ZYG11B: variants seen among roughly 807,000 people sequenced by gnomAD.
The protein encoded by ZYG11B is zyg-11 family member B, cell cycle regulator.
A neutral mutation model predicts 82.4 loss-of-function variants in ZYG11B; 36 were observed. The ratio of observed to expected loss-of-function variants is 0.44; its 90% confidence interval spans 0.33 to 0.58. The LOEUF (loss-of-function observed/expected upper bound fraction) is 0.58. ZYG11B is among the 20% of genes least tolerant of loss of function. The pLI is 0.02. For missense variants in ZYG11B, 552 were observed against 895.6 expected, an observed-to-expected ratio of 0.62 and a Z score of 4.90; for synonymous variants, 303 against 312.8, an observed-to-expected ratio of 0.97 and a Z score of 0.33.
chr1:52,815,331 A>G (rs1645214337), intron 12 of ZYG11B, among the ~76,000 whole-genome samples: 1 of 152,054 alleles, frequency 6.6e-6, no homozygotes, highest in Non-Finnish European at 1.5e-5. Flanking sequence ...GTGAGACCTC[A>G]TCTCTACTAA....
rs1466235514 is a variant in ZYG11B at position 52,826,734 on chromosome 1, C to G, written c.*5105C>G. On this transcript the variant is annotated 3_prime_UTR_variant, in exon 14 of 14. Coordinates refer to ENST00000294353, the MANE Select transcript of ZYG11B (RefSeq NM_024646.3). ...AGCACAGCCTAACTTTACAGCTAGACAGAATGGCCATTAAGAATATTTCCA... is the reference window on the plus strand; with the variant it reads ...AGCACAGCCTAACTTTACAGCTAGAGAGAATGGCCATTAAGAATATTTCCA... The G allele has an allele frequency of 6.6e-6, 1 of 152,150 alleles. No individual in the cohort carries two copies. The highest frequency in any genetic ancestry group is 1.5e-5 in the Non-Finnish European group (1 of 68,028). The allele number at this position is 152,150 out of a possible 1,614,324, so 9.4% of individuals were successfully genotyped here. A position where few individuals can be genotyped will look rare whatever the true frequency, so the allele number is the denominator to read the frequency against.
intron 10 of ZYG11B, among the ~76,000 whole-genome samples, chr1:52,808,548 TAC>T (rs1321790781): frequency 6.6e-6 from 1 of 152,186 alleles, no homozygotes; most frequent in African/African-American, 2.4e-5. Context: ...AATATTTTTG[TAC>T]AGATGGGATT....
At position 52,816,637 on chromosome 1, in the gene ZYG11B, C is replaced by G. The variant is rs890068370; in HGVS notation, c.2044+8C>G. The stretch of plus-strand genomic sequence containing the variant: ...ATGTCTGCAGCAAGAATCGTATGTA[C>G]CAAAAAAAAAGAACTGTGTTTTTTT... On this transcript the variant is annotated splice_region_variant and intron_variant, in intron 13 of 13. Transcript: ENST00000294353. The G allele has an allele frequency of 3.2e-6, 5 of 1,576,510 alleles. No homozygotes were observed. The highest frequency in any genetic ancestry group is 3.8e-5 in the Admixed American group (2 of 53,078).
chr1:52,806,740 T>C (rs1263865232), intron 10 of ZYG11B, among the ~76,000 whole-genome samples: 1 of 152,230 alleles, frequency 6.6e-6, no homozygotes, highest in African/African-American at 2.4e-5. Context: ...AGCATATACC[T>C]TGCATCCTGC....
chr1:52,752,252 C>T (rs1251842929), intron 1 of ZYG11B, among the ~76,000 whole-genome samples: 1 of 152,138 alleles, frequency 6.6e-6, no homozygotes, highest in Non-Finnish European at 1.5e-5. Context: ...ATTTTACTTA[C>T]TTTAATACAA....
intron 5 of ZYG11B, 45 bp downstream of exon 5, chr1:52,785,098 TCTA>T (rs1386688073): frequency 3.8e-6 from 6 of 1,576,542 alleles, no homozygotes; most frequent in Non-Finnish European, 5.2e-6. Flanking sequence ...TGTAGTGTCT[TCTA>T]CTCATCTCCT....
At chr1:52,783,967 C>CAT (rs200233269) in intron 4 of ZYG11B, among the ~76,000 whole-genome samples, 3 of 75,224 alleles carry the variant, frequency 4.0e-5, no homozygotes, top group African/African-American at 1.0e-4. Flanking sequence ...CACATACACA[C>CAT]ATATACACAC....
intron 1 of ZYG11B, among the ~76,000 whole-genome samples, chr1:52,743,153 T>C (rs1012223865): frequency 2.0e-5 from 3 of 152,030 alleles, no homozygotes; most frequent in Non-Finnish European, 4.4e-5. Context: ...AATCAGATTG[T>C]TGCTGTGTCT....
At chr1:52,775,192 A>C (rs1185784622) in intron 3 of ZYG11B, among the ~76,000 whole-genome samples, 2 of 151,912 alleles carry the variant, frequency 1.3e-5, no homozygotes, top group African/African-American at 2.4e-5. Context: ...CTCAGTCCTT[A>C]AATCTATATG....
intron 4 of ZYG11B, among the ~76,000 whole-genome samples, chr1:52,783,853 T>TGTGTGTGTATGTACATACAC (rs1644881919): frequency 1.7e-5 from 1 of 57,168 alleles, no homozygotes; most frequent in Non-Finnish European, 3.8e-5. Flanking sequence ...TACATACACG[T>TGTGTGTGTATGTACATACAC]GTGTGTGTAT....
intron 4 of ZYG11B, among the ~76,000 whole-genome samples, chr1:52,783,897 T>TGTGTGTGTATGTACATACACGG (rs1558132732): frequency 1.6e-5 from 2 of 124,128 alleles, no homozygotes; most frequent in East Asian, 4.5e-4. Flanking sequence ...TACATACACG[T>TGTGTGTGTATGTACATACACGG]GTGTGTATAT....
intron 1 of ZYG11B, among the ~76,000 whole-genome samples, chr1:52,730,199 A>G (rs549215539): frequency 6.6e-6 from 1 of 152,300 alleles, no homozygotes; most frequent in South Asian, 2.1e-4. Context: ...CCTTACTTTT[A>G]ATTAATCTAA....
chr1:52,803,802 A>G (rs971884739), intron 10 of ZYG11B, among the ~76,000 whole-genome samples: 1 of 152,116 alleles, frequency 6.6e-6, no homozygotes, highest in Non-Finnish European at 1.5e-5. Flanking sequence ...TTGCAGTCTC[A>G]CCATGTTGCC....
At chr1:52,749,977 T>C (rs1467454033) in intron 1 of ZYG11B, among the ~76,000 whole-genome samples, 1 of 152,236 alleles carries the variant, frequency 6.6e-6, no homozygotes, top group African/African-American at 2.4e-5. Context: ...TTCCCTGTAG[T>C]TTTCAGCTGT....
intron 1 of ZYG11B, among the ~76,000 whole-genome samples, chr1:52,727,499 A>T (rs1180195743): frequency 6.6e-6 from 1 of 151,984 alleles, no homozygotes; most frequent in Non-Finnish European, 1.5e-5. Flanking sequence ...AATGTTTTGA[A>T]TTTTTTTTAT....
intron 13 of ZYG11B, 106 bp downstream of exon 13, chr1:52,816,735 T>C: frequency 1.3e-6 from 1 of 770,392 alleles, no homozygotes; most frequent in Non-Finnish European, 2.2e-6. Context: ...TTAAGAACAC[T>C]GACTTAAAAT....
intron 10 of ZYG11B, among the ~76,000 whole-genome samples, chr1:52,807,693 G>A (rs927942368): frequency 6.6e-6 from 1 of 151,922 alleles, no homozygotes; most frequent in East Asian, 2.0e-4. Flanking sequence ...TTTTCGCCAT[G>A]TTGCCCAGGC....
chr1:52,792,909 C>T (rs957084033), intron 6 of ZYG11B, among the ~76,000 whole-genome samples: 8 of 152,048 alleles, frequency 5.3e-5, no homozygotes, highest in African/African-American at 1.9e-4. Context: ...AGCAAGATCT[C>T]GGCTCACTGC....
chr1:52,765,129 C>T (rs1644670962), intron 2 of ZYG11B, among the ~76,000 whole-genome samples: 1 of 151,892 alleles, frequency 6.6e-6, no homozygotes, highest in African/African-American at 2.4e-5. Flanking sequence ...TCAAGGAGTC[C>T]TCCTGCCTTG....
Sources: gnomAD v4.1 joint callset for allele counts (sites outside exome capture counted in the v4.1 genomes callset) on GRCh38, gnomAD v4.1.1 for gene constraint, MANE v1.5 for transcripts, NCBI Gene and HGNC (gene_info 2026-07-23, HGNC 2026-07-21) for gene names.